NRN1L: variants seen among roughly 807,000 people sequenced by gnomAD.
The protein encoded by NRN1L is neuritin 1 like.
NRN1L carries 12 observed loss-of-function variants against 8.8 expected under a neutral mutation model. That is an observed-to-expected ratio of 1.36 (90% CI 0.87 to 2.20). The LOEUF is 2.20. Ranked by LOEUF, NRN1L falls within the 30% of genes most tolerant of loss-of-function variation. NRN1L has a pLI of 0.00. For missense variants in NRN1L, 266 were observed against 232.4 expected, an observed-to-expected ratio of 1.14 and a Z score of -0.94; for synonymous variants, 114 against 99.2, an observed-to-expected ratio of 1.15 and a Z score of -0.88.
intron 1 of NRN1L, chr16:67,885,386 T>A (rs2058091457): frequency 2.2e-6 from 1 of 464,716 alleles, no homozygotes; most frequent in South Asian, 2.8e-5. Flanking sequence ...CTGCTCCTGG[T>A]CCGGGGCCTC....
chr16:67,885,713 C>CCCCAAAA lies in NRN1L; in HGVS notation c.80-9_80-8insCCCAAAA. 4.0e-6 allele frequency: 6 copies of CCCCAAAA among 1,509,772 alleles called. No homozygotes were observed. The highest frequency in any genetic ancestry group is 5.4e-6 in the Non-Finnish European group (6 of 1,104,144). The allele number at this position is 1,509,772 out of a possible 1,614,324, so 93.5% of individuals were successfully genotyped here. A position where few individuals can be genotyped will look rare whatever the true frequency, so the allele number is the denominator to read the frequency against. On this transcript the variant is annotated splice_polypyrimidine_tract_variant and intron_variant, in intron 1 of 2. Transcript: ENST00000339176. ...TTCCTTCCCCACCCCACCCCCGCCC[C>CCCCAAAA]ACTTCTAGTCCTTTTACCTCCCCTG... is the stretch of plus-strand genomic sequence containing the variant.
chr16:67,885,693 T>TGGCC, intron 1 of NRN1L, 29 bp from the exon 2 acceptor site: 4 of 1,257,202 alleles, frequency 3.2e-6, no homozygotes, highest in Non-Finnish European at 4.4e-6. Flanking sequence ...TACCATTCCT[T>TGGCC]CCCCACCCCA....
In NRN1L at chr16:67,886,283, C is replaced by T; in HGVS notation, c.*24C>T. 6.4e-7 allele frequency: 1 copy of T among 1,556,732 alleles called. No individual in the cohort carries two copies. Among genetic ancestry groups the T allele is most frequent in the Non-Finnish European group, 8.6e-7 (1 of 1,156,328 alleles). On this transcript the variant is annotated 3_prime_UTR_variant, in exon 3 of 3. Coordinates refer to ENST00000339176, the MANE Select transcript of NRN1L (RefSeq NM_198443.2). ...AGCTTGTTGGGTTGGGTAGCAGCGCCCGTACCTCCAGCCCTGCTCTGGCGG... is the reference window on the plus strand; with the variant it reads ...AGCTTGTTGGGTTGGGTAGCAGCGCTCGTACCTCCAGCCCTGCTCTGGCGG...
At chr16:67,886,819 CTATGTGCTCAG>C (rs1255809677), downstream of NRN1L, among the ~76,000 whole-genome samples, 3 of 152,216 alleles carry the variant, frequency 2.0e-5, no homozygotes, top group Non-Finnish European at 4.4e-5. Context: ...ATAGCACAGA[CTATGTGCTCAG>C]TCCCTTCCTC....
chr16:67,887,732 G>A (rs973900449), downstream of NRN1L, among the ~76,000 whole-genome samples: 2 of 151,984 alleles, frequency 1.3e-5, no homozygotes, highest in Admixed American at 1.3e-4. Flanking sequence ...ACAGGCGCCC[G>A]CCACCACGCC....
At chr16:67,886,585 G>A (rs2058097340), downstream of NRN1L, among the ~76,000 whole-genome samples, 1 of 152,162 alleles carries the variant, frequency 6.6e-6, no homozygotes, top group Non-Finnish European at 1.5e-5. Flanking sequence ...CTGGAGATCT[G>A]CCAGAATGCA....
chr16:67,885,699 C>T, intron 1 of NRN1L, 23 bp from the exon 2 acceptor site: 1 of 1,120,906 alleles, frequency 8.9e-7, no homozygotes, highest in Non-Finnish European at 1.3e-6. Flanking sequence ...TCCTTCCCCA[C>T]CCCACCCCCG....
In NRN1L at chr16:67,886,047, GAA is replaced by G; in HGVS notation, c.287_288del (p.Glu96ValfsTer14). On this transcript the variant is annotated frameshift_variant, in exon 3 of 3. Coordinates refer to ENST00000339176, the MANE Select transcript of NRN1L (RefSeq NM_198443.2). LOFTEE classifies it low-confidence loss of function (END_TRUNC). ...GCPEEAAAVWESLQQEARQAP... is the reference protein window; with the variant it reads ...GCPEEAAAVWXSLQQEARQAP... ...TCCGGAGGAGGCAGCTGCAGTGTGG[GAA>G]TCACTACAGCAAGAAGCTCGCCAGG... 1 of 1,613,948 alleles carries G rather than the reference GAA, an allele frequency of 6.2e-7. No homozygotes were observed. The highest frequency in any genetic ancestry group is 8.5e-7 in the Non-Finnish European group (1 of 1,179,884).
downstream of NRN1L, among the ~76,000 whole-genome samples, chr16:67,886,870 G>A (rs956273764): frequency 2.0e-5 from 3 of 152,184 alleles, no homozygotes; most frequent in African/African-American, 7.2e-5. Flanking sequence ...AGGGAGGCCT[G>A]TTCTAGAAGG....
chr16:67,886,612 T>A (rs2058097416), downstream of NRN1L, among the ~76,000 whole-genome samples: 1 of 152,066 alleles, frequency 6.6e-6, no homozygotes, highest in Non-Finnish European at 1.5e-5. Flanking sequence ...TCCTCTACCT[T>A]CCTGTGCGGG....
At chr16:67,885,011 A>G (rs1598180650) in intron 1 of NRN1L, 29 bp downstream of exon 1, 4 of 1,586,880 alleles carry the variant, frequency 2.5e-6, no homozygotes, top group Middle Eastern at 1.7e-4. Flanking sequence ...GGCCCGGGCC[A>G]CACCCCCTTC....
At position 67,884,919 on chromosome 16, in the gene NRN1L, C is replaced by CGCCGCCGCTGCTGCT. The variant is rs745380143; in HGVS notation, c.21_35dup (p.Arg8_Arg12dup). 10 of 1,605,490 alleles carry CGCCGCCGCTGCTGCT rather than the reference C, an allele frequency of 6.2e-6. No individual in the cohort carries two copies. The Admixed American group carries it at 6.7e-5, about 11-fold the overall frequency. On this transcript the variant is annotated inframe_insertion, in exon 1 of 3. Transcript: ENST00000339176. This position sits in a 1 kb window ranked among gnomAD's most constrained non-coding sequence, Gnocchi z 4.1. The stretch of plus-strand genomic sequence containing the variant: ...TCAGCCAGGGATGATGCGCTGCTGC[C>CGCCGCCGCTGCTGCT]GCCGCCGCTGCTGCTGCCGGCAACC...
intron 1 of NRN1L, 176 bp downstream of exon 1, chr16:67,885,158 T>C (rs1274755358): frequency 3.3e-6 from 2 of 613,362 alleles, no homozygotes; most frequent in South Asian, 1.9e-5. Flanking sequence ...GCCCCAGTTA[T>C]GGGAGAAGGA....
rs780136416 is a variant in NRN1L, at chr16:67,886,037, T to G, written c.276T>G (p.Ala92=). Residue 92 remains alanine (A), a synonymous_variant, in exon 3 of 3, where the codon GCT becomes GCG. Coordinates refer to ENST00000339176, the MANE Select transcript of NRN1L (RefSeq NM_198443.2). ...QVLSGCPEEA[A]AVWESLQQEA... Reference sequence around the variant, plus strand: ...TGTCAGGCTGTCCGGAGGAGGCAGCTGCAGTGTGGGAATCACTACAGCAAG... The same window carrying G: ...TGTCAGGCTGTCCGGAGGAGGCAGCGGCAGTGTGGGAATCACTACAGCAAG... 4 of 1,614,148 alleles carry G rather than the reference T, an allele frequency of 2.5e-6. No homozygotes were observed. Among genetic ancestry groups the G allele is most frequent in the Non-Finnish European group, 3.4e-6 (4 of 1,179,996 alleles).
At chr16:67,885,252 C>G (rs2058090539) in intron 1 of NRN1L, 1 of 581,420 alleles carries the variant, frequency 1.7e-6, no homozygotes, top group African/African-American at 1.9e-5. Context: ...TCCCTAAGTC[C>G]TCTCTGAGGG....
At chr16:67,888,137 C>G (rs1351308403), downstream of NRN1L, among the ~76,000 whole-genome samples, 1 of 152,210 alleles carries the variant, frequency 6.6e-6, no homozygotes. Flanking sequence ...CTCGTTGTGT[C>G]TCTAGCATCC....
chr16:67,885,713 C>CCCCAACAA lies in NRN1L; in HGVS notation c.80-9_80-8insCCCAACAA. 6.6e-7 allele frequency: 1 copy of CCCCAACAA among 1,509,810 alleles called. No individual in the cohort carries two copies. The allele number at this position is 1,509,810 out of a possible 1,614,324, so 93.5% of individuals were successfully genotyped here. A position where few individuals can be genotyped will look rare whatever the true frequency, so the allele number is the denominator to read the frequency against. ...TTCCTTCCCCACCCCACCCCCGCCC[C>CCCCAACAA]ACTTCTAGTCCTTTTACCTCCCCTG... On this transcript the variant is annotated splice_polypyrimidine_tract_variant and intron_variant, in intron 1 of 2. Transcript: ENST00000339176.
rs781327123 is a variant in NRN1L, at chr16:67,886,024, C to T, written c.263C>T (p.Pro88Leu). Residue 88 changes from proline (P) to leucine (L), a missense_variant, in exon 3 of 3, where the codon CCG becomes CTG. Coordinates refer to ENST00000339176, the MANE Select transcript of NRN1L (RefSeq NM_198443.2). ...GCCTCTCAGGTCCTGTCAGGCTGTC[C>T]GGAGGAGGCAGCTGCAGTGTGGGAA... Reference protein sequence around the residue: ...ACASQVLSGCPEEAAAVWESL... With the variant: ...ACASQVLSGCLEEAAAVWESL... 9.9e-6 allele frequency: 16 copies of T among 1,614,114 alleles called. No individual in the cohort carries two copies. Among genetic ancestry groups the T allele is most frequent in the Non-Finnish European group, 1.2e-5 (14 of 1,180,002 alleles).
At chr16:67,885,205 A>C in intron 1 of NRN1L, 1 of 599,634 alleles carries the variant, frequency 1.7e-6, no homozygotes, top group South Asian at 2.0e-5. Context: ...ATAAAGGGAG[A>C]CATGCCAATG....
Sources: allele counts gnomAD v4.1 joint callset (sites outside exome capture counted in the v4.1 genomes callset), GRCh38; gene constraint gnomAD v4.1.1; non-coding constraint Gnocchi (gnomAD v3.1); transcripts MANE v1.5; gene names NCBI Gene and HGNC (gene_info 2026-07-23, HGNC 2026-07-21).